RAD54B: variants seen among roughly 807,000 people sequenced by gnomAD.
The protein encoded by RAD54B is DNA repair and recombination protein RAD54B.
A neutral mutation model predicts 95.8 loss-of-function variants in RAD54B; 78 were observed. That is an observed-to-expected ratio of 0.81 (90% CI 0.68 to 0.98). RAD54B has a LOEUF of 0.98. RAD54B is among the 50% of genes least tolerant of loss of function. The probability of loss-of-function intolerance (pLI) is 0.00; values close to 1 mark genes in which losing one functional copy is unlikely to be tolerated. For synonymous variants in RAD54B, 328 were observed against 354.9 expected (o/e 0.92, Z 0.85); for missense variants, 957 against 1,056.6 (o/e 0.91, Z 1.31).
chr8:94,443,011 A>C (rs1185725390), intron 3 of RAD54B, among the ~76,000 whole-genome samples: 1 of 152,224 alleles, frequency 6.6e-6, no homozygotes, highest in Non-Finnish European at 1.5e-5. Flanking sequence ...CCCTAAAACC[A>C]GCACATGCCA....
At chr8:94,441,696 T>C (rs1234681488) in intron 3 of RAD54B, among the ~76,000 whole-genome samples, 1 of 152,142 alleles carries the variant, frequency 6.6e-6, no homozygotes, top group East Asian at 1.9e-4. Context: ...GCCTCTCTCC[T>C]CTCCCCAGAG....
intron 11 of RAD54B, among the ~76,000 whole-genome samples, chr8:94,383,911 G>A (rs1413205169): frequency 6.6e-6 from 1 of 152,142 alleles, no homozygotes; most frequent in Non-Finnish European, 1.5e-5. Flanking sequence ...TTTGAACCCT[G>A]TGCACTGTTG....
rs754242187 is a variant in RAD54B, at chr8:94,386,969, T to G, written c.1985+15A>C. The G allele has an allele frequency of 1.1e-5, 18 of 1,578,024 alleles. No individual in the cohort carries two copies. The Admixed American group carries it at 1.1e-4, about 10-fold the overall frequency. Reference sequence around the variant, plus strand: ...AACTCTATGAGCACTTATAAGTTTGTTAAATCGATCTTACTTTTCAGTAGG... The same window carrying G: ...AACTCTATGAGCACTTATAAGTTTGGTAAATCGATCTTACTTTTCAGTAGG... On this transcript the variant is annotated intron_variant, in intron 11 of 14. Coordinates refer to ENST00000336148, the MANE Select transcript of RAD54B (RefSeq NM_012415.3).
At chr8:94,441,310 C>CT (rs1812391185) in intron 3 of RAD54B, among the ~76,000 whole-genome samples, 1 of 152,156 alleles carries the variant, frequency 6.6e-6, no homozygotes, top group African/African-American at 2.4e-5. Flanking sequence ...GCTCGTCCTG[C>CT]TACACAACCA....
chr8:94,386,521 G>A (rs998670760), intron 11 of RAD54B, among the ~76,000 whole-genome samples: 1 of 152,072 alleles, frequency 6.6e-6, no homozygotes, highest in African/African-American at 2.4e-5. Flanking sequence ...TGGTATCCAA[G>A]AAGATATAAA....
intron 3 of RAD54B, chr8:94,429,667 G>A (rs1262341588): frequency 9.2e-6 from 9 of 983,080 alleles, no homozygotes; most frequent in Non-Finnish European, 1.1e-5. Flanking sequence ...AGATTCATTA[G>A]ACTCAAAGAA....
chr8:94,451,798 C>T lies in RAD54B; in HGVS notation c.304+6470G>A, dbSNP rs565921741. Among the ~76,000 whole-genome samples the T allele has an allele frequency of 2.6e-5, 4 of 152,012 alleles. No homozygotes were observed. In the South Asian group the frequency reaches 6.2e-4, roughly 24 times the overall value. On this transcript the variant is annotated intron_variant, in intron 3 of 14. Coordinates refer to ENST00000336148, the MANE Select transcript of RAD54B (RefSeq NM_012415.3). Reference sequence around the variant, plus strand: ...AAAATAGAAGCAAAGACTAAGAAAACGTTCCAGATTGAAGGCAACTAAAAG... The same window carrying T: ...AAAATAGAAGCAAAGACTAAGAAAATGTTCCAGATTGAAGGCAACTAAAAG...
intron 2 of RAD54B, among the ~76,000 whole-genome samples, chr8:94,464,695 T>C (rs1415869947): frequency 6.6e-6 from 1 of 152,224 alleles, no homozygotes; most frequent in Non-Finnish European, 1.5e-5. Flanking sequence ...GGTATTTAAA[T>C]TATATCTGTA....
rs780606515 is a variant in RAD54B at position 94,404,254 on chromosome 8, A to C, written c.782-15T>G. The C allele has an allele frequency of 3.2e-6, 5 of 1,575,806 alleles. No individual in the cohort carries two copies. Among genetic ancestry groups the C allele is most frequent in the Non-Finnish European group, 4.3e-6 (5 of 1,161,884 alleles). ...AACGAGGGAATCTTAAAAAATGATA[A>C]AAGTACAAGTATTGTAATTTCACTT... On this transcript the variant is annotated splice_polypyrimidine_tract_variant and intron_variant, in intron 5 of 14. Transcript: ENST00000336148.
intron 3 of RAD54B, among the ~76,000 whole-genome samples, chr8:94,449,709 A>T (rs569260776): frequency 2.6e-5 from 4 of 152,288 alleles, no homozygotes; most frequent in African/African-American, 9.6e-5. Context: ...AGTAGTTTCA[A>T]ACATCCTTTA....
chr8:94,469,116 TA>T (rs1263791779), intron 1 of RAD54B, among the ~76,000 whole-genome samples: 3 of 141,198 alleles, frequency 2.1e-5, no homozygotes, highest in East Asian at 2.1e-4. Flanking sequence ...TTTTTTTTAA[TA>T]AAAAAAAAGA....
At position 94,463,132 on chromosome 8, in the gene RAD54B, T is replaced by C. The variant is rs140506511; in HGVS notation, c.135+4273A>G. Among the ~76,000 whole-genome samples, 805 of 152,090 alleles carry C rather than the reference T, an allele frequency of 5.3e-3. 1 individual carries two copies. Among genetic ancestry groups the C allele is most frequent in the Non-Finnish European group, 9.2e-3 (629 of 68,002 alleles). The stretch of plus-strand genomic sequence containing the variant: ...CAGAGGTTGCAGTGAGCCAGGATTG[T>C]GCCACTGTACTCCAGCATGGGTGAC... On this transcript the variant is annotated intron_variant, in intron 2 of 14. Coordinates refer to ENST00000336148, the MANE Select transcript of RAD54B (RefSeq NM_012415.3).
At chr8:94,411,666 CAAAACTGATTTAATTAAGTA>C (rs1811532535) in intron 3 of RAD54B, among the ~76,000 whole-genome samples, 1 of 151,758 alleles carries the variant, frequency 6.6e-6, no homozygotes, top group East Asian at 1.9e-4. Flanking sequence ...CACATTTTGA[CAAAACTGATTTAATTAAGTA>C]ACATGACAAG....
intron 11 of RAD54B, among the ~76,000 whole-genome samples, chr8:94,381,307 G>C (rs1458296179): frequency 6.6e-6 from 1 of 152,100 alleles, no homozygotes; most frequent in Non-Finnish European, 1.5e-5. Context: ...CACAGATAGG[G>C]AGTCCCCAAA....
intron 3 of RAD54B, among the ~76,000 whole-genome samples, chr8:94,434,059 TTTTA>T (rs1171927613): frequency 1.3e-5 from 2 of 151,872 alleles, no homozygotes; most frequent in African/African-American, 4.8e-5. Context: ...GTTTGTGTCA[TTTTA>T]TTATTTCCAA....
chr8:94,433,060 G>C (rs1471671383), intron 3 of RAD54B, among the ~76,000 whole-genome samples: 2 of 152,028 alleles, frequency 1.3e-5, no homozygotes, highest in Non-Finnish European at 2.9e-5. Context: ...CTTAGCCCTA[G>C]ACCTCAGGCT....
intron 3 of RAD54B, among the ~76,000 whole-genome samples, chr8:94,412,737 G>A (rs777767872): frequency 6.6e-6 from 1 of 151,736 alleles, no homozygotes; most frequent in Non-Finnish European, 1.5e-5. Flanking sequence ...TAGGAATAAG[G>A]CAACAAAAGC....
At chr8:94,432,352 A>ACCTAAAG in intron 3 of RAD54B, 1 of 1,550,406 alleles carries the variant, frequency 6.4e-7, no homozygotes, top group Non-Finnish European at 8.7e-7. Flanking sequence ...CCTAATAGTG[A>ACCTAAAG]CCTAAAGTGT....
intron 3 of RAD54B, among the ~76,000 whole-genome samples, chr8:94,443,290 G>C (rs1812443142): frequency 6.6e-6 from 1 of 152,094 alleles, no homozygotes; most frequent in African/African-American, 2.4e-5. Flanking sequence ...TGGACACATT[G>C]TGGGGAACAA....
Sources: gnomAD v4.1 joint callset for allele counts (sites outside exome capture counted in the v4.1 genomes callset) on GRCh38, gnomAD v4.1.1 for gene constraint, MANE v1.5 for transcripts, NCBI Gene and HGNC (gene_info 2026-07-23, HGNC 2026-07-21) for gene names.